The following SLC24A3 variants were observed in gnomAD, a reference collection of about 807,000 sequenced individuals.
SLC24A3 encodes the protein sodium/potassium/calcium exchanger 3.
In SLC24A3, 28 loss-of-function variants were observed where a neutral mutation model predicts 75.8. The ratio of observed to expected loss-of-function variants is 0.37; its 90% CI spans 0.27 to 0.51. The LOEUF (loss-of-function observed/expected upper bound fraction) is 0.51. SLC24A3 is among the 20% of genes least tolerant of loss of function. SLC24A3 has a pLI of 0.94. For missense variants in SLC24A3, 663 were observed against 847.8 expected (o/e 0.78, Z 2.71); for synonymous variants, 372 against 334.1 (o/e 1.11, Z -1.24).
intron 3 of SLC24A3, among the ~76,000 whole-genome samples, chr20:19,522,750 C>G (rs2030125312): frequency 6.6e-6 from 1 of 151,160 alleles, no homozygotes; most frequent in Non-Finnish European, 1.5e-5. Context: ...GTGTTGCTGC[C>G]ATGCCCAGGG....
intron 6 of SLC24A3, among the ~76,000 whole-genome samples, chr20:19,611,609 T>C (rs572651412): frequency 6.5e-4 from 99 of 152,346 alleles, no homozygotes; most frequent in African/African-American, 2.4e-3. Context: ...TGTTCCTTCA[T>C]CTGCCCTTCC....
intron 2 of SLC24A3, among the ~76,000 whole-genome samples, chr20:19,513,069 A>G (rs2029913388): frequency 6.6e-6 from 1 of 152,198 alleles, no homozygotes; most frequent in Non-Finnish European, 1.5e-5. Context: ...AGGACTGGCC[A>G]GTGCCAAAAC....
intron 2 of SLC24A3, among the ~76,000 whole-genome samples, chr20:19,396,472 G>A (rs1986455783): frequency 6.6e-6 from 1 of 152,148 alleles, no homozygotes; most frequent in South Asian, 2.1e-4. Flanking sequence ...TTCAAAATCT[G>A]ATGTATATTT....
chr20:19,410,607 G>A (rs888945968), intron 2 of SLC24A3, among the ~76,000 whole-genome samples: 5 of 152,070 alleles, frequency 3.3e-5, no homozygotes, highest in African/African-American at 1.2e-4. Context: ...TGGTTCTCTC[G>A]GGGAGGTCTC....
At chr20:19,439,698 G>A (rs535281963) in intron 2 of SLC24A3, among the ~76,000 whole-genome samples, 1 of 152,298 alleles carries the variant, frequency 6.6e-6, no homozygotes. Flanking sequence ...AATTATGTCT[G>A]TATAAAGTCA....
rs115362737 is a variant in SLC24A3 at position 19,565,955 on chromosome 20, A to G, written c.349-14045A>G. ...GAGATTCAGCAGGCCCAACTTCTGT[A>G]TGTTGGTTATTGGGAAAGTGAAATG... On this transcript the variant is annotated intron_variant, in intron 3 of 16. Transcript: ENST00000328041. 1.8e-3 allele frequency among the ~76,000 whole-genome samples: 278 copies of G among 152,300 alleles called. 2 individuals are homozygous for G. The highest frequency in any genetic ancestry group is 6.2e-3 in the African/African-American group (258 of 41,568).
At chr20:19,529,748 C>T (rs552290454) in intron 3 of SLC24A3, among the ~76,000 whole-genome samples, 2 of 152,310 alleles carry the variant, frequency 1.3e-5, no homozygotes, top group East Asian at 3.9e-4. Flanking sequence ...TGGCTGGGTA[C>T]AGCCCCTTTC....
chr20:19,541,156 A>G (rs1420039513), intron 3 of SLC24A3, among the ~76,000 whole-genome samples: 7 of 152,240 alleles, frequency 4.6e-5, no homozygotes, highest in Admixed American at 4.6e-4. Context: ...CCTTACAGCA[A>G]GATGTACCTT....
chr20:19,338,884 A>G (rs1229238497), intron 2 of SLC24A3, among the ~76,000 whole-genome samples: 2 of 152,204 alleles, frequency 1.3e-5, no homozygotes, highest in African/African-American at 2.4e-5. Flanking sequence ...TGACCCCACC[A>G]TATATGACGA....
intron 2 of SLC24A3, among the ~76,000 whole-genome samples, chr20:19,464,663 C>G (rs931040809): frequency 6.6e-6 from 1 of 152,214 alleles, no homozygotes; most frequent in Non-Finnish European, 1.5e-5. Context: ...AATCATAGCA[C>G]AGTCTACATA....
intron 3 of SLC24A3, among the ~76,000 whole-genome samples, chr20:19,562,949 A>G (rs906156196): frequency 1.3e-5 from 2 of 152,164 alleles, no homozygotes; most frequent in Non-Finnish European, 2.9e-5. Context: ...GAATCTTACT[A>G]TGGCTTTCAG....
In SLC24A3 at chr20:19,212,695, A is replaced by C; in HGVS notation, c.-148A>C. The C allele has an allele frequency of 2.2e-6, 1 of 456,818 alleles. No individual in the cohort carries two copies. Among genetic ancestry groups the C allele is most frequent in the Non-Finnish European group, 2.9e-6 (1 of 348,608 alleles). 28.3% of individuals were successfully genotyped at this position (456,818 alleles called of 1,614,324 possible). A position where few individuals can be genotyped will look rare whatever the true frequency, so the allele number is the denominator to read the frequency against. Reference sequence around the variant, plus strand: ...AGACGGGCAGCGGCGAGGAGGAGGAAGAGGAGGCGGAGGCGGCGGCCGGGT... The same window carrying C: ...AGACGGGCAGCGGCGAGGAGGAGGACGAGGAGGCGGAGGCGGCGGCCGGGT... On this transcript the variant is annotated 5_prime_UTR_variant, in exon 1 of 17. Transcript: ENST00000328041.
At chr20:19,648,768 A>T (rs1030547830) in intron 6 of SLC24A3, among the ~76,000 whole-genome samples, 6 of 152,224 alleles carry the variant, frequency 3.9e-5, no homozygotes, top group Non-Finnish European at 8.8e-5. Flanking sequence ...TTTTTGCATT[A>T]TGCCACTCTG....
chr20:19,432,470 C>T (rs955995862), intron 2 of SLC24A3, among the ~76,000 whole-genome samples: 1 of 152,000 alleles, frequency 6.6e-6, no homozygotes, highest in East Asian at 1.9e-4. Context: ...TCATTGTTCA[C>T]AATAATTCAC....
At chr20:19,300,676 G>T (rs1323003638) in intron 2 of SLC24A3, among the ~76,000 whole-genome samples, 3 of 152,176 alleles carry the variant, frequency 2.0e-5, no homozygotes, top group South Asian at 4.1e-4. Flanking sequence ...TCCTTCCTTC[G>T]GTGCGATGAC....
intron 15 of SLC24A3, among the ~76,000 whole-genome samples, chr20:19,713,684 C>T (rs1028454450): frequency 4.6e-5 from 7 of 152,112 alleles, no homozygotes; most frequent in South Asian, 2.1e-4. Flanking sequence ...GAAGCAGCCT[C>T]GGGTGCAAGG....
chr20:19,402,483 A>G (rs1243411103), intron 2 of SLC24A3, among the ~76,000 whole-genome samples: 1 of 152,232 alleles, frequency 6.6e-6, no homozygotes, highest in Admixed American at 6.5e-5. Flanking sequence ...GTTAGGGCAC[A>G]TTGGAAATGA....
Position 19,684,158 on chromosome 20 carries a change from T to C in SLC24A3, c.902-18T>C, listed in dbSNP as rs1485726184. The C allele has an allele frequency of 6.2e-7, 1 of 1,610,544 alleles. No individual in the cohort carries two copies. The highest frequency in any genetic ancestry group is 1.1e-5 in the South Asian group (1 of 90,912). On this transcript the variant is annotated intron_variant, in intron 10 of 16. Transcript: ENST00000328041. ...CTGGCCTCCATGTTATTTTACCTTA[T>C]GTTTTTCGTTTCCCTAGCAAATTTC... is the stretch of plus-strand genomic sequence containing the variant.
At chr20:19,307,176 A>G (rs1295338203) in intron 2 of SLC24A3, among the ~76,000 whole-genome samples, 2 of 152,230 alleles carry the variant, frequency 1.3e-5, no homozygotes, top group Non-Finnish European at 2.9e-5. Flanking sequence ...CTCATCTCAA[A>G]ATGGGGATAT....
Sources: allele counts gnomAD v4.1 joint callset (sites outside exome capture counted in the v4.1 genomes callset), GRCh38; gene constraint gnomAD v4.1.1; transcripts MANE v1.5; gene names NCBI Gene and HGNC (gene_info 2026-07-23, HGNC 2026-07-21).